TNNI3K: variants seen among roughly 807,000 people sequenced by gnomAD.
TNNI3K encodes the protein TNNI3 interacting kinase.
Under a neutral mutation model 114.5 loss-of-function variants are expected in TNNI3K, and 140 were observed. The ratio of observed to expected loss-of-function variants is 1.22; its 90% CI spans 1.07 to 1.41. TNNI3K has a LOEUF of 1.41. TNNI3K is among the 40% of genes most tolerant of loss of function. The pLI is 0.00. For missense variants in TNNI3K, 1,125 were observed against 1,007.6 expected (o/e 1.12, Z -1.58); for synonymous variants, 347 against 347.5 (o/e 1.00, Z 0.02).
At chr1:74,236,044 G>A in intron 1 of TNNI3K, 58 bp from the exon 2 acceptor site, 1 of 1,350,216 alleles carries the variant, frequency 7.4e-7, no homozygotes, top group Non-Finnish European at 1.0e-6. Context: ...GTTATGATCT[G>A]TGTCTACATT....
intron 23 of TNNI3K, among the ~76,000 whole-genome samples, chr1:74,534,038 A>C (rs1293265174): frequency 6.6e-6 from 1 of 152,188 alleles, no homozygotes; most frequent in Non-Finnish European, 1.5e-5. Context: ...CGGTGAAATT[A>C]ATTCCTTCCC....
At chr1:74,465,234 G>A (rs1667617283) in intron 21 of TNNI3K, among the ~76,000 whole-genome samples, 1 of 152,222 alleles carries the variant, frequency 6.6e-6, no homozygotes, top group Admixed American at 6.5e-5. Context: ...TCTCTGGGCT[G>A]GCCGAGGCCG....
intron 5 of TNNI3K, among the ~76,000 whole-genome samples, 165 bp from the exon 6 acceptor site, chr1:74,331,285 C>T (rs1660186730): frequency 6.6e-6 from 1 of 152,070 alleles, no homozygotes; most frequent in South Asian, 2.1e-4. Flanking sequence ...CTTTATCTTT[C>T]ATAAAAAAAC....
intron 11 of TNNI3K, among the ~76,000 whole-genome samples, chr1:74,354,784 TTAA>T (rs1421907724): frequency 5.3e-5 from 8 of 152,158 alleles, no homozygotes; most frequent in African/African-American, 1.7e-4. Flanking sequence ...ATTGTAAAGA[TTAA>T]ATGAGATAAT....
chr1:74,313,631 C>G (rs1659121192), intron 5 of TNNI3K, among the ~76,000 whole-genome samples: 1 of 152,112 alleles, frequency 6.6e-6, no homozygotes, highest in Non-Finnish European at 1.5e-5. Flanking sequence ...GCATTCCCTC[C>G]ATAGATCTAG....
rs45520236 is a variant in TNNI3K at position 74,544,015 on chromosome 1, T to C, written c.*33T>C. ...CGGCGTATACCTAAGGAGAGTTTTTTCCCCGAACTGACAGCAACGATTCCA... is the reference window on the plus strand; with the variant it reads ...CGGCGTATACCTAAGGAGAGTTTTTCCCCCGAACTGACAGCAACGATTCCA... On this transcript the variant is annotated 3_prime_UTR_variant, in exon 25 of 25. Transcript: ENST00000326637. The C allele has an allele frequency of 8.1e-3, 12,954 of 1,596,826 alleles. 762 individuals carry two copies. The African/African-American group carries it at 0.14, about 17-fold the overall frequency.
rs142313564 is a variant in TNNI3K, at chr1:74,322,224, T to C, written c.445-9226T>C. ...ACCCCAATGGAAACAGTTTGTGGTG[T>C]TGAATAAGAGCACAGTTCTGCCAAG... On this transcript the variant is annotated intron_variant, in intron 5 of 24. Transcript: ENST00000326637. Among the ~76,000 whole-genome samples the C allele has an allele frequency of 1.8e-4, 28 of 152,298 alleles. 1 individual carries two copies. The highest frequency in any genetic ancestry group is 6.5e-4 in the African/African-American group (27 of 41,564).
chr1:74,522,343 G>A (rs1243766150), intron 23 of TNNI3K, among the ~76,000 whole-genome samples: 1 of 152,140 alleles, frequency 6.6e-6, no homozygotes, highest in Non-Finnish European at 1.5e-5. Flanking sequence ...AAGGCAGTGA[G>A]TTCCTAGCAT....
At chr1:74,432,444 A>G (rs774778709) in intron 17 of TNNI3K, among the ~76,000 whole-genome samples, 82 of 151,984 alleles carry the variant, frequency 5.4e-4, no homozygotes, top group Non-Finnish European at 9.0e-4. Context: ...TCACCCTTCT[A>G]TTTCTCTCTT....
chr1:74,400,777 A>G (rs1333439989), intron 17 of TNNI3K, among the ~76,000 whole-genome samples: 1 of 152,152 alleles, frequency 6.6e-6, no homozygotes, highest in Non-Finnish European at 1.5e-5. Flanking sequence ...AAAGGCAACT[A>G]CTTGACTCTT....
intron 4 of TNNI3K, among the ~76,000 whole-genome samples, chr1:74,265,244 A>G (rs910343691): frequency 1.3e-5 from 2 of 152,050 alleles, no homozygotes; most frequent in Non-Finnish European, 2.9e-5. Context: ...CACCTGTGAA[A>G]GGAAAAGGAA....
chr1:74,295,720 T>C (rs1657937346), intron 5 of TNNI3K, among the ~76,000 whole-genome samples: 1 of 152,234 alleles, frequency 6.6e-6, no homozygotes, highest in Admixed American at 6.5e-5. Flanking sequence ...GATCCTTTTA[T>C]GTTCAAACTT....
intron 23 of TNNI3K, among the ~76,000 whole-genome samples, chr1:74,529,351 A>T (rs1381730612): frequency 6.6e-6 from 1 of 152,176 alleles, no homozygotes; most frequent in Non-Finnish European, 1.5e-5. Context: ...GAATCTAATC[A>T]TTAGGAAACC....
At chr1:74,529,985 G>A (rs373063506) in intron 23 of TNNI3K, among the ~76,000 whole-genome samples, 1 of 152,052 alleles carries the variant, frequency 6.6e-6, no homozygotes, top group East Asian at 1.9e-4. Context: ...CTTGTTTTGA[G>A]GCAGGGTCTT....
At chr1:74,294,659 A>T (rs181141240) in intron 5 of TNNI3K, among the ~76,000 whole-genome samples, 2 of 152,124 alleles carry the variant, frequency 1.3e-5, no homozygotes, top group East Asian at 3.9e-4. Flanking sequence ...TGATTATTTC[A>T]CCCAAATCTC....
intron 23 of TNNI3K, among the ~76,000 whole-genome samples, chr1:74,525,837 G>A (rs1170638844): frequency 6.6e-6 from 1 of 152,152 alleles, no homozygotes; most frequent in African/African-American, 2.4e-5. Context: ...GATTCAAAGA[G>A]GCATCACAGC....
At position 74,480,553 on chromosome 1, in the gene TNNI3K, A is replaced by G; in HGVS notation, c.2122-8636A>G. 10 of 717,424 alleles carry G rather than the reference A, an allele frequency of 1.4e-5. 1 individual carries two copies. The highest frequency in any genetic ancestry group is 2.1e-5 in the Non-Finnish European group (8 of 385,106). The allele number at this position is 717,424 out of a possible 1,614,324, so 44.4% of individuals were successfully genotyped here. ...AGGCATCTTTCCCAATGTAGGAAAT[A>G]AAATTGTTGGATAAATCCAGATACC... On this transcript the variant is annotated intron_variant, in intron 21 of 24. Transcript: ENST00000326637.
intron 23 of TNNI3K, among the ~76,000 whole-genome samples, chr1:74,532,696 G>A (rs1646605811): frequency 6.7e-6 from 1 of 149,816 alleles, no homozygotes; most frequent in South Asian, 2.1e-4. Context: ...AAAACAGCAT[G>A]GTACTGGTAC....
chr1:74,541,164 G>T (rs1421397834), intron 24 of TNNI3K, among the ~76,000 whole-genome samples: 1 of 152,200 alleles, frequency 6.6e-6, no homozygotes, highest in African/African-American at 2.4e-5. Context: ...GTTTGGGAAA[G>T]AATAAATTAG....
Sources: gnomAD v4.1 joint callset for allele counts (sites outside exome capture counted in the v4.1 genomes callset) on GRCh38, gnomAD v4.1.1 for gene constraint, MANE v1.5 for transcripts, NCBI Gene and HGNC (gene_info 2026-07-23, HGNC 2026-07-21) for gene names.